Variants in CACNA2D3 observed in about 807,000 individuals in gnomAD.
CACNA2D3 encodes calcium voltage-gated channel auxiliary subunit alpha2delta 3, also known as voltage-dependent calcium channel subunit alpha-2/delta-3.
Under a neutral mutation model 160.6 loss-of-function variants are expected in CACNA2D3, and 60 were observed. That is an observed-to-expected ratio of 0.37 (90% CI 0.30 to 0.46). The LOEUF (loss-of-function observed/expected upper bound fraction) is 0.46. Ranked by LOEUF, CACNA2D3 falls within the 20% of genes least tolerant of loss-of-function variation. The pLI is 1.00. For missense variants in CACNA2D3, 1,205 were observed against 1,365.0 expected, an observed-to-expected ratio of 0.88 and a Z score of 1.85; for synonymous variants, 558 against 492.9, an observed-to-expected ratio of 1.13 and a Z score of -1.75.
chr3:54,885,394 G>A, intron 22 of CACNA2D3, 68 bp downstream of exon 22: 5 of 1,604,012 alleles, frequency 3.1e-6, no homozygotes, highest in Non-Finnish European at 4.3e-6. Flanking sequence ...CACATGGTTT[G>A]TGCTCCCTTG....
Position 54,866,665 on chromosome 3 carries a change from G to GT in CACNA2D3, c.1627-4869dup, listed in dbSNP as rs369082776. Among the ~76,000 whole-genome samples the GT allele has an allele frequency of 7.6e-3, 1,161 of 152,288 alleles. 12 individuals carry two copies. Among genetic ancestry groups the GT allele is most frequent in the African/African-American group, 0.027 (1,109 of 41,558 alleles). ...TCCCAGAACACAGAAAGAGCAAAGG[G>GT]TTTTTGTTTTATTTAAATCAACATG... On this transcript the variant is annotated intron_variant, in intron 17 of 37. Transcript: ENST00000474759.
intron 9 of CACNA2D3, among the ~76,000 whole-genome samples, chr3:54,619,520 T>A (rs1315742160): frequency 6.6e-6 from 1 of 152,208 alleles, no homozygotes; most frequent in Non-Finnish European, 1.5e-5. Context: ...GGCACTGGCA[T>A]TAAACAGCTG....
In CACNA2D3 at chr3:54,250,002, CAG is replaced by C. The variant is rs141879037; in HGVS notation, c.205-70436_205-70435del. On this transcript the variant is annotated intron_variant, in intron 2 of 37. Coordinates refer to ENST00000474759, the MANE Select transcript of CACNA2D3 (RefSeq NM_018398.3). ...GGCAAATTCATTTGGTAGGGTTCCC[CAG>C]AGAACACTGTTTTTCTCTGAATCAT... Among the ~76,000 whole-genome samples, 489 of 152,258 alleles carry C rather than the reference CAG, an allele frequency of 3.2e-3. 9 individuals carry two copies. In the East Asian group the frequency reaches 0.045, roughly 14 times the overall value.
At chr3:54,462,965 G>A (rs1198633742) in intron 4 of CACNA2D3, among the ~76,000 whole-genome samples, 4 of 149,766 alleles carry the variant, frequency 2.7e-5, no homozygotes, top group Non-Finnish European at 4.4e-5. Context: ...TTTTAGGGCA[G>A]GCCTGGTGGT....
intron 2 of CACNA2D3, among the ~76,000 whole-genome samples, chr3:54,288,550 G>A (rs1319822800): frequency 6.6e-6 from 1 of 152,212 alleles, no homozygotes; most frequent in Non-Finnish European, 1.5e-5. Context: ...GAAAAAGAGG[G>A]AATCCTCCCT....
intron 10 of CACNA2D3, among the ~76,000 whole-genome samples, chr3:54,630,343 T>C (rs1010135586): frequency 2.0e-5 from 3 of 152,154 alleles, no homozygotes; most frequent in African/African-American, 7.2e-5. Flanking sequence ...CTTTCCCTGG[T>C]ACCCTTTCTC....
chr3:54,177,490 C>A (rs989747149), intron 2 of CACNA2D3, among the ~76,000 whole-genome samples: 1 of 152,182 alleles, frequency 6.6e-6, no homozygotes, highest in Admixed American at 6.5e-5. Context: ...GCTAACTCCT[C>A]GGGCTTTTTT....
intron 13 of CACNA2D3, among the ~76,000 whole-genome samples, chr3:54,774,674 G>A (rs1177737161): frequency 5.7e-5 from 7 of 121,966 alleles, no homozygotes; most frequent in Admixed American, 3.4e-4. Flanking sequence ...TCACTCTGTC[G>A]CCCAGGCTGG....
At chr3:54,258,538 A>G (rs1316661896) in intron 2 of CACNA2D3, among the ~76,000 whole-genome samples, 1 of 152,176 alleles carries the variant, frequency 6.6e-6, no homozygotes, top group Non-Finnish European at 1.5e-5. Context: ...GGTAGATTTG[A>G]CTTCAACCCA....
chr3:54,916,018 G>A (rs1398646874), intron 27 of CACNA2D3, among the ~76,000 whole-genome samples: 1 of 152,168 alleles, frequency 6.6e-6, no homozygotes, highest in Non-Finnish European at 1.5e-5. Context: ...TGGGTAGGGG[G>A]ACTGGGTTGA....
chr3:54,417,774 G>A (rs747695719), intron 4 of CACNA2D3, among the ~76,000 whole-genome samples: 3 of 119,624 alleles, frequency 2.5e-5, no homozygotes, highest in African/African-American at 3.6e-5. Context: ...TTGTTGTGGT[G>A]TGTGTGTGTA....
At chr3:54,722,335 C>G (rs1385007229) in intron 11 of CACNA2D3, among the ~76,000 whole-genome samples, 1 of 152,168 alleles carries the variant, frequency 6.6e-6, no homozygotes, top group Non-Finnish European at 1.5e-5. Context: ...TTCTTAGCTT[C>G]CTTGCATTGG....
chr3:54,623,691 C>T (rs542043910), intron 9 of CACNA2D3, among the ~76,000 whole-genome samples: 1 of 152,246 alleles, frequency 6.6e-6, no homozygotes, highest in East Asian at 1.9e-4. Context: ...GCACTTCCTG[C>T]AATGATGGCG....
chr3:54,652,124 G>A (rs940566641), intron 11 of CACNA2D3, among the ~76,000 whole-genome samples: 1 of 151,734 alleles, frequency 6.6e-6, no homozygotes, highest in African/African-American at 2.4e-5. Flanking sequence ...CAAAATAAAT[G>A]CTCCACCCAC....
chr3:54,714,592 T>C (rs923778967), intron 11 of CACNA2D3, among the ~76,000 whole-genome samples: 4 of 152,206 alleles, frequency 2.6e-5, no homozygotes, highest in African/African-American at 9.6e-5. Flanking sequence ...GCTACTGTGA[T>C]TCAGCCCAAC....
intron 23 of CACNA2D3, among the ~76,000 whole-genome samples, chr3:54,885,912 A>G (rs750233588): frequency 2.0e-5 from 3 of 152,184 alleles, no homozygotes; most frequent in Admixed American, 6.5e-5. Context: ...TTATTTTGCA[A>G]ATGAGAAACC....
At chr3:54,666,547 A>G (rs1211353135) in intron 11 of CACNA2D3, among the ~76,000 whole-genome samples, 1 of 152,222 alleles carries the variant, frequency 6.6e-6, no homozygotes, top group African/African-American at 2.4e-5. Flanking sequence ...ATCCAATGCC[A>G]TTGCTGACAT....
At chr3:54,856,664 A>G (rs1699178021) in intron 17 of CACNA2D3, among the ~76,000 whole-genome samples, 1 of 152,226 alleles carries the variant, frequency 6.6e-6, no homozygotes, top group South Asian at 2.1e-4. Flanking sequence ...ATACTACACA[A>G]TTTGGATAAG....
chr3:54,122,864 G>C (rs1294864492), intron 1 of CACNA2D3, 29 bp downstream of exon 1: 3 of 1,221,196 alleles, frequency 2.5e-6, no homozygotes, highest in Non-Finnish European at 2.0e-6. Context: ...GCCGCCCGGG[G>C]AGGGGACCTT....
Sources: gnomAD v4.1 joint callset for allele counts (sites outside exome capture counted in the v4.1 genomes callset) on GRCh38, gnomAD v4.1.1 for gene constraint, MANE v1.5 for transcripts, NCBI Gene and HGNC (gene_info 2026-07-23, HGNC 2026-07-21) for gene names.